The following ANK3 variants were observed in gnomAD, a reference collection of about 807,000 sequenced individuals.
The protein encoded by ANK3 is ankyrin 3.
ANK3 carries 57 observed loss-of-function variants against 370.9 expected under a neutral mutation model. That is an observed-to-expected ratio of 0.15 (90% CI 0.12 to 0.19). The LOEUF (loss-of-function observed/expected upper bound fraction) is 0.19, where lower values mean the gene tolerates loss of function less well. Ranked by LOEUF, ANK3 falls within the 10% of genes least tolerant of loss-of-function variation. The probability of loss-of-function intolerance (pLI) is 1.00; values close to 1 mark genes in which losing one functional copy is unlikely to be tolerated. For synonymous variants in ANK3, 1,929 were observed against 1,946.3 expected (o/e 0.99, Z 0.23); for missense variants, 4,439 against 5,302.1 (o/e 0.84, Z 5.06).
At chr10:60,298,258 A>C (rs1330788266) in intron 1 of ANK3, among the ~76,000 whole-genome samples, 1 of 152,206 alleles carries the variant, frequency 6.6e-6, no homozygotes, top group Non-Finnish European at 1.5e-5. Flanking sequence ...TGTCAAAACT[A>C]GTTCTAGTTC....
intron 25 of ANK3, among the ~76,000 whole-genome samples, chr10:60,130,428 T>C (rs2132170565): frequency 6.6e-6 from 1 of 152,344 alleles, no homozygotes; most frequent in Non-Finnish European, 1.5e-5. Flanking sequence ...AGAGTTCATT[T>C]TTACTCATTT....
chr10:60,213,872 C>T (rs1383044504), intron 8 of ANK3, among the ~76,000 whole-genome samples: 2 of 152,094 alleles, frequency 1.3e-5, no homozygotes, highest in African/African-American at 2.4e-5. Flanking sequence ...AGAAATTCTA[C>T]ATTGGTTCTT....
At chr10:60,548,280 C>T (rs141272149) in intron 2 of ANK3, among the ~76,000 whole-genome samples, 7 of 139,698 alleles carry the variant, frequency 5.0e-5, no homozygotes, top group East Asian at 2.1e-4. Flanking sequence ...GACATGATCT[C>T]GGCTCACTGC....
chr10:60,656,905 A>G (rs766735572), intron 1 of ANK3, among the ~76,000 whole-genome samples: 11 of 152,084 alleles, frequency 7.2e-5, no homozygotes, highest in Non-Finnish European at 1.5e-4. Context: ...CTACAGGCAC[A>G]TGCCATCTTG....
Position 60,073,438 on chromosome 10 carries a change from C to T in ANK3, c.7443G>A (p.Glu2481=). ...GTCCTGCATGGTCTGTAACCGATTC[C>T]TCAGTATCAGAATGAGACACATCTA... ...EKLDVSHSDT[E]ESVTDHAGPP... is the part of the protein sequence containing the mutation. The change falls in exon 37 of 44, where the codon GAG becomes GAA. Residue 2481 remains glutamate, a synonymous_variant. Transcript: ENST00000280772. 1 of 1,613,944 alleles carries T rather than the reference C, an allele frequency of 6.2e-7. No homozygotes were observed. Among genetic ancestry groups the T allele is most frequent in the Middle Eastern group, 1.7e-4 (1 of 6,060 alleles).
chr10:60,378,809 A>C (rs1025852518), intron 1 of ANK3, among the ~76,000 whole-genome samples: 3 of 152,094 alleles, frequency 2.0e-5, no homozygotes, highest in African/African-American at 4.8e-5. Context: ...TTTATGACTA[A>C]GTTCTCAAAA....
At chr10:60,140,613 A>G in intron 23 of ANK3, 1 of 1,402,434 alleles carries the variant, frequency 7.1e-7, no homozygotes, top group Non-Finnish European at 9.2e-7. Flanking sequence ...AATCTTTTTA[A>G]AAAACCCCAC....
At chr10:60,682,572 G>A (rs560510357) in intron 1 of ANK3, among the ~76,000 whole-genome samples, 3 of 152,214 alleles carry the variant, frequency 2.0e-5, no homozygotes, top group African/African-American at 7.2e-5. Context: ...CCCCAAGGAA[G>A]GACTCCACTC....
intron 19 of ANK3, 27 bp downstream of exon 19, chr10:60,173,061 G>A (rs754105150): frequency 2.5e-6 from 4 of 1,607,834 alleles, no homozygotes; most frequent in East Asian, 4.5e-5. Flanking sequence ...AATGATTCTG[G>A]CAGAAACAAA....
At chr10:60,682,225 C>G (rs1461214006) in intron 1 of ANK3, among the ~76,000 whole-genome samples, 1 of 152,154 alleles carries the variant, frequency 6.6e-6, no homozygotes, top group Admixed American at 6.5e-5. Flanking sequence ...AATAACTTGT[C>G]CAAGGTCAAA....
At chr10:60,695,497 C>A (rs146255868) in intron 1 of ANK3, among the ~76,000 whole-genome samples, 3 of 151,956 alleles carry the variant, frequency 2.0e-5, no homozygotes, top group African/African-American at 4.8e-5. Flanking sequence ...CCACATACTT[C>A]GAAGTAAAGC....
intron 7 of ANK3, among the ~76,000 whole-genome samples, chr10:60,251,687 C>T (rs144672898): frequency 4.6e-5 from 7 of 152,322 alleles, no homozygotes; most frequent in African/African-American, 1.4e-4. Flanking sequence ...CTGCCCCTGT[C>T]GGTACTTTTC....
At chr10:60,375,377 A>G (rs891624050) in intron 1 of ANK3, among the ~76,000 whole-genome samples, 2 of 152,106 alleles carry the variant, frequency 1.3e-5, no homozygotes, top group African/African-American at 2.4e-5. Flanking sequence ...TACCAGAATC[A>G]CTAGAACTGA....
intron 42 of ANK3, chr10:60,053,754 G>T (rs1187690568): frequency 7.7e-7 from 1 of 1,303,264 alleles, no homozygotes; most frequent in South Asian, 1.2e-5. Flanking sequence ...TAAAAAGGGG[G>T]CTGTTTTCTG....
intron 1 of ANK3, among the ~76,000 whole-genome samples, chr10:60,354,337 TA>T (rs910275480): frequency 6.6e-6 from 1 of 152,198 alleles, no homozygotes; most frequent in African/African-American, 2.4e-5. Context: ...CTGAGTGCTT[TA>T]TGCCTTTTGA....
intron 16 of ANK3, among the ~76,000 whole-genome samples, chr10:60,192,774 A>G (rs2096513021): frequency 6.6e-6 from 1 of 152,114 alleles, no homozygotes; most frequent in South Asian, 2.1e-4. Context: ...GTTTCACTAA[A>G]AGCCCTGTAT....
At chr10:60,564,790 A>G (rs1209903530) in intron 2 of ANK3, among the ~76,000 whole-genome samples, 1 of 152,192 alleles carries the variant, frequency 6.6e-6, no homozygotes, top group Non-Finnish European at 1.5e-5. Context: ...CCTTAGAAGA[A>G]ACACAAACCA....
chr10:60,711,164 A>G (rs1336999701), intron 1 of ANK3, among the ~76,000 whole-genome samples: 1 of 152,214 alleles, frequency 6.6e-6, no homozygotes, highest in Non-Finnish European at 1.5e-5. Flanking sequence ...TAGATGGGTA[A>G]TGTAAGCAGA....
intron 25 of ANK3, among the ~76,000 whole-genome samples, 190 bp downstream of exon 25, chr10:60,134,081 C>T (rs2094222096): frequency 1.3e-5 from 2 of 152,152 alleles, no homozygotes; most frequent in Non-Finnish European, 2.9e-5. Context: ...CTATCTTCCT[C>T]ACCTGCAGAA....
Sources: allele counts gnomAD v4.1 joint callset (sites outside exome capture counted in the v4.1 genomes callset), GRCh38; gene constraint gnomAD v4.1.1; transcripts MANE v1.5; gene names NCBI Gene and HGNC (gene_info 2026-07-23, HGNC 2026-07-21).